Variants in GRIK1 observed in about 807,000 individuals in gnomAD.
GRIK1 encodes the protein glutamate ionotropic receptor kainate type subunit 1, also known as glutamate receptor ionotropic, kainate 1.
GRIK1 carries 69 observed loss-of-function variants against 105.7 expected under a neutral mutation model. That is an observed-to-expected ratio of 0.65 (90% CI 0.54 to 0.80). The LOEUF is 0.80. Ranked by LOEUF, GRIK1 falls within the 30% of genes least tolerant of loss-of-function variation. The pLI is 0.00. For synonymous variants in GRIK1, 438 were observed against 431.3 expected, an observed-to-expected ratio of 1.02 and a Z score of -0.19; for missense variants, 1,109 against 1,167.3, an observed-to-expected ratio of 0.95 and a Z score of 0.73.
intron 1 of GRIK1, among the ~76,000 whole-genome samples, chr21:29,847,264 T>G (rs2068152771): frequency 6.6e-6 from 1 of 152,192 alleles, no homozygotes. Flanking sequence ...TCTATTTCTT[T>G]TATAAGTTAC....
rs1602049127 is a variant in GRIK1, at chr21:29,919,571, G to T, written c.118+19812C>A. ...GAGAAACATATTCAAGGCTTTCTTT[G>T]TCTTAACTCTTCACTGAGCAAAGGT... On this transcript the variant is annotated intron_variant, in intron 1 of 17. Transcript: ENST00000327783. Among the ~76,000 whole-genome samples the T allele has an allele frequency of 2.0e-5, 3 of 152,212 alleles. No individual in the cohort carries two copies. The South Asian group carries it at 6.2e-4, about 32-fold the overall frequency.
intron 1 of GRIK1, among the ~76,000 whole-genome samples, chr21:29,930,348 A>C (rs1483537354): frequency 6.6e-6 from 1 of 152,236 alleles, no homozygotes; most frequent in Non-Finnish European, 1.5e-5. Flanking sequence ...TATGTAATCC[A>C]ACATTTTAGA....
intron 3 of GRIK1, among the ~76,000 whole-genome samples, 184 bp from the exon 4 acceptor site, chr21:29,673,348 T>C (rs1202552342): frequency 6.6e-6 from 1 of 152,190 alleles, no homozygotes; most frequent in Non-Finnish European, 1.5e-5. Context: ...TTTCCCTTTG[T>C]GGGTGTGTGT....
intron 14 of GRIK1, among the ~76,000 whole-genome samples, chr21:29,573,978 G>A (rs1568834951): frequency 6.6e-6 from 1 of 152,096 alleles, no homozygotes; most frequent in Non-Finnish European, 1.5e-5. Context: ...GTTGTCCCAT[G>A]TGGAAAGTTC....
intron 4 of GRIK1, among the ~76,000 whole-genome samples, chr21:29,664,963 A>G (rs2063032213): frequency 1.3e-5 from 2 of 152,228 alleles, no homozygotes; most frequent in Admixed American, 6.5e-5. Context: ...CCTGACATAC[A>G]TATCTTCAAA....
chr21:29,651,500 T>C (rs2062737192), intron 5 of GRIK1, among the ~76,000 whole-genome samples: 2 of 152,228 alleles, frequency 1.3e-5, no homozygotes, highest in African/African-American at 4.8e-5. Context: ...AATTTTAAAA[T>C]TGCACACCAC....
chr21:29,811,946 G>A (rs545058637), intron 1 of GRIK1, among the ~76,000 whole-genome samples: 1 of 152,062 alleles, frequency 6.6e-6, no homozygotes, highest in South Asian at 2.1e-4. Flanking sequence ...TACTATATCA[G>A]GTCTCTGCTG....
intron 1 of GRIK1, among the ~76,000 whole-genome samples, chr21:29,773,950 A>G (rs1177622709): frequency 6.6e-6 from 1 of 152,132 alleles, no homozygotes; most frequent in African/African-American, 2.4e-5. Context: ...TTACTCATTC[A>G]CTCAATCCAA....
chr21:29,777,957 A>G (rs575998349), intron 1 of GRIK1, among the ~76,000 whole-genome samples: 59 of 152,262 alleles, frequency 3.9e-4, no homozygotes, highest in African/African-American at 1.4e-3. Context: ...CAACACAAAG[A>G]ATTTGGGTCA....
At chr21:29,807,072 G>A (rs543160088) in intron 1 of GRIK1, among the ~76,000 whole-genome samples, 50 of 152,288 alleles carry the variant, frequency 3.3e-4, no homozygotes, top group Admixed American at 6.5e-4. Context: ...GCTCTTGAGG[G>A]CATTTCAGCA....
intron 1 of GRIK1, among the ~76,000 whole-genome samples, chr21:29,836,975 TC>T (rs1018150885): frequency 1.3e-5 from 2 of 152,172 alleles, no homozygotes; most frequent in Non-Finnish European, 2.9e-5. Flanking sequence ...AGGCATAAAG[TC>T]CCTCATGATC....
chr21:29,683,038 A>G (rs960631082), intron 3 of GRIK1, among the ~76,000 whole-genome samples: 48 of 152,246 alleles, frequency 3.2e-4, no homozygotes, highest in African/African-American at 1.1e-3. Flanking sequence ...AAAAATGCTC[A>G]TCATGACAGA....
chr21:29,785,433 G>C (rs1434415764), intron 1 of GRIK1, among the ~76,000 whole-genome samples: 1 of 151,910 alleles, frequency 6.6e-6, no homozygotes, highest in Non-Finnish European at 1.5e-5. Context: ...TCATGGTGGT[G>C]TGAGCCTGTA....
intron 1 of GRIK1, among the ~76,000 whole-genome samples, chr21:29,842,965 T>C (rs548816499): frequency 1.3e-5 from 2 of 152,274 alleles, no homozygotes; most frequent in East Asian, 3.9e-4. Context: ...GATATTTGAG[T>C]ATGTTTCCTA....
chr21:29,907,252 A>G (rs1241256874), intron 1 of GRIK1, among the ~76,000 whole-genome samples: 1 of 152,096 alleles, frequency 6.6e-6, no homozygotes, highest in African/African-American at 2.4e-5. Context: ...AAAAATTGCA[A>G]TGCTTTTACC....
At chr21:29,627,185 A>T (rs905617773) in intron 7 of GRIK1, among the ~76,000 whole-genome samples, 4 of 152,208 alleles carry the variant, frequency 2.6e-5, no homozygotes, top group Non-Finnish European at 4.4e-5. Context: ...ACTTATATAT[A>T]ATAACTATGT....
chr21:29,715,818 A>G (rs1210350240), intron 1 of GRIK1, among the ~76,000 whole-genome samples: 2 of 152,024 alleles, frequency 1.3e-5, no homozygotes, highest in African/African-American at 4.8e-5. Context: ...ATAAATGTCA[A>G]GCACAATGTT....
At chr21:29,838,306 T>G (rs939173838) in intron 1 of GRIK1, among the ~76,000 whole-genome samples, 1 of 152,132 alleles carries the variant, frequency 6.6e-6, no homozygotes, top group Admixed American at 6.6e-5. Flanking sequence ...GTTTTGTATT[T>G]TAAACTATGA....
At chr21:29,830,559 G>A (rs1293771433) in intron 1 of GRIK1, among the ~76,000 whole-genome samples, 4 of 152,104 alleles carry the variant, frequency 2.6e-5, no homozygotes, top group Non-Finnish European at 5.9e-5. Flanking sequence ...GAGCAGGATA[G>A]ATAGAGTGCT....
Sources: allele counts gnomAD v4.1 joint callset (sites outside exome capture counted in the v4.1 genomes callset), GRCh38; gene constraint gnomAD v4.1.1; transcripts MANE v1.5; gene names NCBI Gene and HGNC (gene_info 2026-07-23, HGNC 2026-07-21).